Variants in IGF2BP3 observed in about 807,000 individuals in gnomAD.
IGF2BP3 encodes the protein insulin like growth factor 2 mRNA binding protein 3, also known as insulin-like growth factor 2 mRNA-binding protein 3.
A neutral mutation model predicts 73.8 loss-of-function variants in IGF2BP3; 9 were observed. The observed-to-expected ratio is 0.12, with a 90% CI of 0.07 to 0.21. The LOEUF (loss-of-function observed/expected upper bound fraction) is 0.21. Ranked by LOEUF, IGF2BP3 falls within the 10% of genes least tolerant of loss-of-function variation. The pLI, the probability that IGF2BP3 is intolerant of heterozygous loss-of-function variation, is 1.00. For synonymous variants in IGF2BP3, 258 were observed against 256.7 expected, an observed-to-expected ratio of 1.01 and a Z score of -0.05; for missense variants, 542 against 714.0, an observed-to-expected ratio of 0.76 and a Z score of 2.75.
At chr7:23,422,179 T>C (rs1787368572) in intron 2 of IGF2BP3, among the ~76,000 whole-genome samples, 1 of 152,168 alleles carries the variant, frequency 6.6e-6, no homozygotes, top group South Asian at 2.1e-4. Context: ...GGAGGGTGTA[T>C]ATATTACCAA....
At chr7:23,360,238 C>T (rs1363201597) in intron 5 of IGF2BP3, among the ~76,000 whole-genome samples, 1 of 152,132 alleles carries the variant, frequency 6.6e-6, no homozygotes, top group Non-Finnish European at 1.5e-5. Context: ...ATACACACGA[C>T]ATGCAAAAAC....
rs374996010 is a variant in IGF2BP3 at position 23,443,275 on chromosome 7, G to A, written c.237-24451C>T. 6.1e-3 allele frequency among the ~76,000 whole-genome samples: 933 copies of A among 151,786 alleles called. 12 individuals are homozygous for A. The highest frequency in any genetic ancestry group is 0.021 in the African/African-American group (889 of 41,400). ...AGAGTAGCTGAGATTACAGGCATGC[G>A]CCACCACTCCCAGCTAATTTTGTAT... On this transcript the variant is annotated intron_variant, in intron 2 of 14. Transcript: ENST00000258729.
At chr7:23,448,225 G>T (rs1265466924) in intron 2 of IGF2BP3, among the ~76,000 whole-genome samples, 1 of 152,094 alleles carries the variant, frequency 6.6e-6, no homozygotes, top group African/African-American at 2.4e-5. Flanking sequence ...AAAGTTTTAG[G>T]AATAACAGAA....
In IGF2BP3 at chr7:23,380,685, G is replaced by A. The variant is rs542394614; in HGVS notation, c.286-18944C>T. On this transcript the variant is annotated intron_variant, in intron 3 of 14. Transcript: ENST00000258729. ...AATAGCGCCCTTTAAAAATTCACCA[G>A]TACCTCTGAATATAGCTCTAATCCA... Among the ~76,000 whole-genome samples the A allele has an allele frequency of 5.1e-4, 77 of 152,300 alleles. 1 individual carries two copies. The South Asian group carries it at 0.015, about 29-fold the overall frequency.
intron 2 of IGF2BP3, among the ~76,000 whole-genome samples, chr7:23,428,690 C>G (rs1787588237): frequency 1.4e-5 from 2 of 139,730 alleles, no homozygotes; most frequent in African/African-American, 5.4e-5. Context: ...GCCTCAGCAA[C>G]AGAGCAAGCC....
chr7:23,448,186 G>A (rs1019535273), intron 2 of IGF2BP3, among the ~76,000 whole-genome samples: 1 of 152,120 alleles, frequency 6.6e-6, no homozygotes, highest in Non-Finnish European at 1.5e-5. Flanking sequence ...AATGTTGATG[G>A]GGTCCTGAAA....
At chr7:23,415,150 C>T in intron 3 of IGF2BP3, 1 of 225,790 alleles carries the variant, frequency 4.4e-6, no homozygotes, top group Non-Finnish European at 9.0e-6. Context: ...GTCTGTCAGT[C>T]AGCTTCACCA....
rs1232461486 is a variant in IGF2BP3, at chr7:23,312,160, C to G, written c.*202G>C. The G allele has an allele frequency of 4.9e-6, 2 of 404,768 alleles. No individual in the cohort carries two copies. The highest frequency in any genetic ancestry group is 8.9e-6 in the Non-Finnish European group (2 of 224,346). The allele number at this position is 404,768 out of a possible 1,614,324, so 25.1% of individuals were successfully genotyped here. A position where few individuals can be genotyped will look rare whatever the true frequency, so the allele number is the denominator to read the frequency against. On this transcript the variant is annotated 3_prime_UTR_variant, in exon 15 of 15. Coordinates refer to ENST00000258729, the MANE Select transcript of IGF2BP3 (RefSeq NM_006547.3). Reference sequence around the variant, plus strand: ...GTTTGTTTGTTTGTTTGTTTTAAAGCTGGGTGTCATACATTTCAGAGAGCA... The same window carrying G: ...GTTTGTTTGTTTGTTTGTTTTAAAGGTGGGTGTCATACATTTCAGAGAGCA...
At position 23,311,477 on chromosome 7, in the gene IGF2BP3, T is replaced by G. The variant is rs780101245; in HGVS notation, c.*885A>C. The G allele has an allele frequency of 6.6e-6, 1 of 152,576 alleles. No homozygotes were observed. The highest frequency in any genetic ancestry group is 1.5e-5 in the Non-Finnish European group (1 of 68,038). The allele number at this position is 152,576 out of a possible 1,614,324, so 9.5% of individuals were successfully genotyped here. A position where few individuals can be genotyped will look rare whatever the true frequency, so the allele number is the denominator to read the frequency against. Reference sequence around the variant, plus strand: ...CCAAAATCTCCTGCGACCACTTTGTTAGTACCGTCAAAAACTTTCCCAACT... The same window carrying G: ...CCAAAATCTCCTGCGACCACTTTGTGAGTACCGTCAAAAACTTTCCCAACT... On this transcript the variant is annotated 3_prime_UTR_variant, in exon 15 of 15. Coordinates refer to ENST00000258729, the MANE Select transcript of IGF2BP3 (RefSeq NM_006547.3).
chr7:23,371,386 C>A (rs1785538224), intron 3 of IGF2BP3, among the ~76,000 whole-genome samples: 1 of 152,206 alleles, frequency 6.6e-6, no homozygotes, highest in South Asian at 2.1e-4. Flanking sequence ...TGGGCAAGAT[C>A]ATCTCAGGAA....
At chr7:23,432,265 T>C (rs1175633979) in intron 2 of IGF2BP3, among the ~76,000 whole-genome samples, 2 of 152,244 alleles carry the variant, frequency 1.3e-5, no homozygotes, top group Admixed American at 6.5e-5. Flanking sequence ...TGAATGTTTT[T>C]CTACGTACTC....
At chr7:23,388,379 A>C (rs1483885735) in intron 3 of IGF2BP3, among the ~76,000 whole-genome samples, 1 of 152,228 alleles carries the variant, frequency 6.6e-6, no homozygotes, top group Non-Finnish European at 1.5e-5. Context: ...TATTCAACTG[A>C]CAATGCACAG....
At chr7:23,433,344 A>T (rs1269733449) in intron 2 of IGF2BP3, among the ~76,000 whole-genome samples, 7 of 152,196 alleles carry the variant, frequency 4.6e-5, no homozygotes, top group African/African-American at 1.7e-4. Flanking sequence ...AACTACTTGA[A>T]ATGTGGCTAG....
intron 3 of IGF2BP3, among the ~76,000 whole-genome samples, chr7:23,392,319 C>T (rs1030305628): frequency 2.6e-5 from 4 of 151,386 alleles, no homozygotes; most frequent in Non-Finnish European, 5.9e-5. Flanking sequence ...GAACATGTCA[C>T]AGTGCTGGAT....
chr7:23,360,420 G>C (rs1405164768), intron 5 of IGF2BP3, among the ~76,000 whole-genome samples: 1 of 152,100 alleles, frequency 6.6e-6, no homozygotes, highest in African/African-American at 2.4e-5. Flanking sequence ...TGTGTAAAAG[G>C]AGGAATACAT....
chr7:23,397,526 C>T (rs1210954753), intron 3 of IGF2BP3, among the ~76,000 whole-genome samples: 1 of 152,044 alleles, frequency 6.6e-6, no homozygotes, highest in African/African-American at 2.4e-5. Flanking sequence ...ATCTAACTAG[C>T]CATACGCCAT....
chr7:23,397,853 G>T (rs757356083), intron 3 of IGF2BP3, among the ~76,000 whole-genome samples: 1 of 152,092 alleles, frequency 6.6e-6, no homozygotes, highest in Non-Finnish European at 1.5e-5. Flanking sequence ...TATGGCAAAA[G>T]GGACTTTGAG....
chr7:23,375,837 T>C (rs964465253), intron 3 of IGF2BP3, among the ~76,000 whole-genome samples: 1 of 152,198 alleles, frequency 6.6e-6, no homozygotes, highest in African/African-American at 2.4e-5. Flanking sequence ...AAGTCAATAA[T>C]GATAGGAATG....
In IGF2BP3 at chr7:23,319,213, T is replaced by G; in HGVS notation, c.1245A>C (p.Leu415=). Reference sequence around the variant, plus strand: ...GCTTGCCGATGATGGCACCGACTGATAGAGCTGGGATAAACAGATGAACAG... The same window carrying G: ...GCTTGCCGATGATGGCACCGACTGAGAGAGCTGGGATAAACAGATGAACAG... ...TETVHLFIPA[L]SVGAIIGKQG... Residue 415 remains leucine, a synonymous_variant, in exon 11 of 15, where the codon CTA becomes CTC. Coordinates refer to ENST00000258729, the MANE Select transcript of IGF2BP3 (RefSeq NM_006547.3). 1 of 1,613,830 alleles carries G rather than the reference T, an allele frequency of 6.2e-7. No homozygotes were observed. Among genetic ancestry groups the G allele is most frequent in the Non-Finnish European group, 8.5e-7 (1 of 1,179,868 alleles).
Sources: allele counts gnomAD v4.1 joint callset (sites outside exome capture counted in the v4.1 genomes callset), GRCh38; gene constraint gnomAD v4.1.1; transcripts MANE v1.5; gene names NCBI Gene and HGNC (gene_info 2026-07-23, HGNC 2026-07-21).